Variants in DNA2 observed in about 807,000 individuals in gnomAD.
DNA2 encodes the protein DNA replication ATP-dependent helicase/nuclease DNA2.
DNA2 carries 101 observed loss-of-function variants against 119.1 expected under a neutral mutation model. That is an observed-to-expected ratio of 0.85 (90% confidence interval 0.72 to 1.00). The LOEUF is 1.00. Ranked by LOEUF, DNA2 falls within the 50% of genes least tolerant of loss-of-function variation. The pLI, the probability that DNA2 is intolerant of heterozygous loss-of-function variation, is 0.00. For missense variants in DNA2, 1,121 were observed against 1,255.5 expected, an observed-to-expected ratio of 0.89 and a Z score of 1.62; for synonymous variants, 366 against 424.4, an observed-to-expected ratio of 0.86 and a Z score of 1.69.
intron 6 of DNA2, among the ~76,000 whole-genome samples, chr10:68,447,688 A>G (rs1368616033): frequency 1.3e-5 from 2 of 151,730 alleles, no homozygotes; most frequent in East Asian, 3.9e-4. Flanking sequence ...GACTGTCTTA[A>G]AATAAAAAAA....
intron 10 of DNA2, among the ~76,000 whole-genome samples, chr10:68,435,263 G>A (rs1362249599): frequency 6.6e-6 from 1 of 151,882 alleles, no homozygotes; most frequent in Non-Finnish European, 1.5e-5. Context: ...TGCCCAGGCT[G>A]GTCTCAAACT....
intron 9 of DNA2, among the ~76,000 whole-genome samples, chr10:68,437,884 A>G (rs897492368): frequency 5.3e-5 from 8 of 151,754 alleles, no homozygotes; most frequent in Admixed American, 6.6e-5. Flanking sequence ...CTAATTTTTT[A>G]TATTTTTAGT....
At position 68,422,554 on chromosome 10, in the gene DNA2, C is replaced by A; in HGVS notation, c.2453G>T (p.Ser818Ile). Residue 818 changes from serine to isoleucine, a missense_variant, in exon 16 of 21, where the codon AGT (serine) becomes ATT (isoleucine). Ser to Ile is a moderately radical substitution (Grantham distance 142, BLOSUM62 -2). Transcript: ENST00000358410. ...CTGCACGGTTAACTGTACAACAGCACTCTTATTCTGCTCCAGCCTCTTGAA... is the reference window on the plus strand; with the variant it reads ...CTGCACGGTTAACTGTACAACAGCAATCTTATTCTGCTCCAGCCTCTTGAA... ...SLFKRLEQNK[S>I]AVVQLTVQYR... 1 of 1,614,050 alleles carries A rather than the reference C, an allele frequency of 6.2e-7. No individual in the cohort carries two copies. Among genetic ancestry groups the A allele is most frequent in the Middle Eastern group, 1.6e-4 (1 of 6,062 alleles).
chr10:68,438,152 C>T (rs1224312685), intron 9 of DNA2, among the ~76,000 whole-genome samples: 1 of 152,128 alleles, frequency 6.6e-6, no homozygotes, highest in Non-Finnish European at 1.5e-5. Flanking sequence ...GGTAGATACC[C>T]CCACTTCTTG....
chr10:68,432,118 G>C (rs530713841), intron 12 of DNA2, 88 bp downstream of exon 12: 316 of 1,129,218 alleles, frequency 2.8e-4, no homozygotes, highest in Middle Eastern at 7.2e-4. Context: ...CATTGTAGTT[G>C]CAAGTCTAAT....
chr10:68,419,992 A>G, intron 17 of DNA2, 100 bp from the exon 18 acceptor site: 1 of 883,712 alleles, frequency 1.1e-6, no homozygotes, highest in East Asian at 2.5e-5. Flanking sequence ...TTGGAGATGA[A>G]AAATAGCTTT....
chr10:68,448,124 A>T (rs2052066919), intron 6 of DNA2, among the ~76,000 whole-genome samples: 1 of 152,220 alleles, frequency 6.6e-6, no homozygotes, highest in African/African-American at 2.4e-5. Flanking sequence ...GAAATTAATC[A>T]AACTATGATT....
At chr10:68,436,919 A>C (rs1193464095) in intron 10 of DNA2, 92 bp downstream of exon 10, 11 of 1,021,906 alleles carry the variant, frequency 1.1e-5, no homozygotes, top group African/African-American at 1.6e-5. Context: ...TATACTAAAA[A>C]CCAGCGAATT....
chr10:68,426,258 C>A (rs2051739043), intron 14 of DNA2, among the ~76,000 whole-genome samples: 1 of 151,996 alleles, frequency 6.6e-6, no homozygotes, highest in African/African-American at 2.4e-5. Flanking sequence ...CCTTTTGCAG[C>A]CGGGCACAGT....
intron 6 of DNA2, among the ~76,000 whole-genome samples, chr10:68,448,599 A>G (rs998549702): frequency 2.0e-5 from 3 of 152,176 alleles, no homozygotes; most frequent in African/African-American, 7.2e-5. Flanking sequence ...TTTTTTCAAT[A>G]CAAGAATTAC....
chr10:68,424,559 C>T (rs1045707038), intron 14 of DNA2: 17 of 888,620 alleles, frequency 1.9e-5, no homozygotes, highest in Non-Finnish European at 3.1e-5. Context: ...GGAGCATCAC[C>T]ATGAAGTTCA....
Position 68,435,923 on chromosome 10 carries a change from C to A in DNA2, c.1646+1088G>T, listed in dbSNP as rs561107646. 2.0e-4 allele frequency among the ~76,000 whole-genome samples: 30 copies of A among 152,318 alleles called. 1 individual carries two copies. The South Asian group carries it at 6.0e-3, about 31-fold the overall frequency. On this transcript the variant is annotated intron_variant, in intron 10 of 20. Transcript: ENST00000358410. ...CATTATAGCTAACACAGGGTGGCAT[C>A]TATGCTGTCTGCTATACATGTGGTT...
chr10:68,458,085 ATTGC>A (rs2052209282), intron 5 of DNA2, among the ~76,000 whole-genome samples: 1 of 152,010 alleles, frequency 6.6e-6, no homozygotes, highest in South Asian at 2.1e-4. Context: ...AGGCAGGAGA[ATTGC>A]TTGAACCCAG....
At chr10:68,462,577 T>C (rs982072228) in intron 4 of DNA2, among the ~76,000 whole-genome samples, 5 of 152,188 alleles carry the variant, frequency 3.3e-5, no homozygotes, top group Admixed American at 2.0e-4. Context: ...AGGATGATTA[T>C]TCCAGTTCCT....
rs543772274 is a variant in DNA2 at position 68,416,728 on chromosome 10, T to C, written c.3095A>G (p.His1032Arg). The change falls in exon 20 of 21, where the codon CAT (histidine) becomes CGT (arginine). Residue 1032 changes from histidine to arginine, a missense_variant. Coordinates refer to ENST00000358410, the MANE Select transcript of DNA2 (RefSeq NM_001080449.3). ...GGATATTAATTTTTCTGAGTTTAAA[T>C]GATTAAGCAGCTTCTCCAAAGGAGG... ...CYPPLEKLLN[H>R]LNSEKLIIDL... The C allele has an allele frequency of 1.9e-6, 3 of 1,613,680 alleles. No individual in the cohort carries two copies. In the South Asian group the frequency reaches 3.3e-5, roughly 18 times the overall value.
intron 14 of DNA2, among the ~76,000 whole-genome samples, chr10:68,427,679 A>C (rs1192859250): frequency 6.6e-6 from 1 of 151,250 alleles, no homozygotes; most frequent in Admixed American, 6.6e-5. Context: ...ACACACACAC[A>C]CATTTTAACT....
At chr10:68,469,000 C>T (rs144895024) in intron 2 of DNA2, among the ~76,000 whole-genome samples, 3,692 of 151,986 alleles carry the variant, frequency 0.024, 140 homozygotes, top group African/African-American at 0.084. Context: ...CAGTGAGCCG[C>T]GATCACGCCA....
chr10:68,447,357 A>G (rs1219318510), intron 6 of DNA2, among the ~76,000 whole-genome samples: 2 of 151,778 alleles, frequency 1.3e-5, no homozygotes, highest in African/African-American at 4.8e-5. Context: ...GTCTCTACTA[A>G]AAATACAAAA....
At chr10:68,448,293 G>A (rs1432601444) in intron 6 of DNA2, among the ~76,000 whole-genome samples, 1 of 151,930 alleles carries the variant, frequency 6.6e-6, no homozygotes. Flanking sequence ...AACCACCTTA[G>A]GTTTCATGAA....
Sources: allele counts gnomAD v4.1 joint callset (sites outside exome capture counted in the v4.1 genomes callset), GRCh38; gene constraint gnomAD v4.1.1; transcripts MANE v1.5; gene names NCBI Gene and HGNC (gene_info 2026-07-23, HGNC 2026-07-21).